Variants in ROR1 observed in about 807,000 individuals in gnomAD.
ROR1 encodes inactive tyrosine-protein kinase transmembrane receptor ROR1.
In ROR1, 19 loss-of-function variants were observed where a neutral mutation model predicts 78.8. That is an observed-to-expected ratio of 0.24 (90% CI 0.17 to 0.35). The LOEUF is 0.35. Ranked by LOEUF, ROR1 falls within the 10% of genes least tolerant of loss-of-function variation. The pLI is 1.00. For synonymous variants in ROR1, 386 were observed against 433.6 expected (o/e 0.89, Z 1.36); for missense variants, 917 against 1,177.8 (o/e 0.78, Z 3.24).
chr1:63,777,615 G>A (rs1308172424), intron 1 of ROR1, among the ~76,000 whole-genome samples: 1 of 152,168 alleles, frequency 6.6e-6, no homozygotes, highest in Non-Finnish European at 1.5e-5. Flanking sequence ...TTGCCCTATA[G>A]CACCCTTTCT....
intron 4 of ROR1, among the ~76,000 whole-genome samples, chr1:64,061,429 T>C (rs1317885979): frequency 6.6e-6 from 1 of 152,342 alleles, no homozygotes; most frequent in South Asian, 2.1e-4. Context: ...AGAAAATGAC[T>C]ATTCCAACCC....
At chr1:64,174,814 G>T (rs1194420520) in intron 8 of ROR1, among the ~76,000 whole-genome samples, 1 of 152,034 alleles carries the variant, frequency 6.6e-6, no homozygotes, top group Non-Finnish European at 1.5e-5. Context: ...TCATCTGAGT[G>T]CTACAAGACA....
intron 1 of ROR1, among the ~76,000 whole-genome samples, chr1:63,974,654 T>C (rs570879478): frequency 6.6e-6 from 1 of 151,978 alleles, no homozygotes; most frequent in Admixed American, 6.6e-5. Flanking sequence ...TTATTGTTTT[T>C]AGAGATAGGA....
rs1362103243 is a variant in ROR1 at position 64,178,312 on chromosome 1, C to G, written c.2271C>G (p.Ser757Arg). ...RSWEGLSSHT[S>R]STTPSGGNAT... ...GGGAGGGACTCTCAAGTCACACAAG[C>G]TCTACTACTCCTTCAGGGGGAAATG... The change falls in exon 9 of 9, where the codon AGC becomes AGG. Residue 757 changes from serine to arginine, a missense_variant. Physicochemically the swap from Ser to Arg is moderately radical, Grantham distance 110 (BLOSUM62 -1). Around this residue, in one of 3 missense-constraint regions of ROR1, gnomAD observed 835 missense variants for 1,069.8 expected, o/e 0.78. Coordinates refer to ENST00000371079, the MANE Select transcript of ROR1 (RefSeq NM_005012.4). The surrounding 1 kb of genome is among the most constrained non-coding windows in gnomAD (Gnocchi z 4.3). 6.2e-7 allele frequency: 1 copy of G among 1,614,170 alleles called. No homozygotes were observed. The highest frequency in any genetic ancestry group is 1.7e-5 in the Admixed American group (1 of 60,024).
At chr1:64,121,122 T>C (rs1648522743) in intron 4 of ROR1, among the ~76,000 whole-genome samples, 1 of 144,920 alleles carries the variant, frequency 6.9e-6, no homozygotes, top group East Asian at 2.1e-4. Flanking sequence ...TTCTTTCTTT[T>C]CTTCTTTCCC....
At chr1:63,876,753 T>A (rs1645288895) in intron 1 of ROR1, among the ~76,000 whole-genome samples, 1 of 151,704 alleles carries the variant, frequency 6.6e-6, no homozygotes, top group Admixed American at 6.6e-5. Context: ...CTTCTTTTTG[T>A]CGTTTCAAGG....
intron 4 of ROR1, among the ~76,000 whole-genome samples, chr1:64,114,097 C>T (rs191474681): frequency 5.3e-4 from 80 of 152,146 alleles, no homozygotes; most frequent in East Asian, 7.8e-4. Flanking sequence ...GGACCATGAC[C>T]GGTGAACTTG....
intron 4 of ROR1, among the ~76,000 whole-genome samples, chr1:64,071,044 T>C (rs1286354285): frequency 6.6e-6 from 1 of 152,110 alleles, no homozygotes; most frequent in Non-Finnish European, 1.5e-5. Flanking sequence ...ACAAAGACCA[T>C]GACATGGAAA....
intron 4 of ROR1, among the ~76,000 whole-genome samples, chr1:64,122,289 T>G (rs1648570134): frequency 6.6e-6 from 1 of 152,196 alleles, no homozygotes. Flanking sequence ...GATGTGAGGA[T>G]GGGGAAGAAG....
chr1:63,953,508 C>T (rs1645957997), intron 1 of ROR1, among the ~76,000 whole-genome samples: 1 of 152,172 alleles, frequency 6.6e-6, no homozygotes, highest in Admixed American at 6.5e-5. Flanking sequence ...TTATACTGTA[C>T]CACATGTAAC....
chr1:63,954,767 T>G (rs1045404721), intron 1 of ROR1, among the ~76,000 whole-genome samples: 2 of 152,186 alleles, frequency 1.3e-5, no homozygotes, highest in Non-Finnish European at 2.9e-5. Context: ...TATGGGAGCG[T>G]GTGCATAGGT....
At chr1:63,885,892 C>A (rs140042657) in intron 1 of ROR1, among the ~76,000 whole-genome samples, 1 of 152,252 alleles carries the variant, frequency 6.6e-6, no homozygotes, top group African/African-American at 2.4e-5. Flanking sequence ...ATGATCCAAG[C>A]ACATTACGTT....
chr1:64,089,267 T>A (rs1001981990), intron 4 of ROR1, among the ~76,000 whole-genome samples: 5 of 152,030 alleles, frequency 3.3e-5, no homozygotes, highest in African/African-American at 1.2e-4. Context: ...TGGAGTGTAG[T>A]GGCATAATCA....
At chr1:64,085,477 A>T (rs916982359) in intron 4 of ROR1, among the ~76,000 whole-genome samples, 1 of 152,206 alleles carries the variant, frequency 6.6e-6, no homozygotes, top group Non-Finnish European at 1.5e-5. Context: ...AGTGTTGCCC[A>T]GCTTTCCATA....
At chr1:63,978,972 A>C (rs1646185814) in intron 1 of ROR1, among the ~76,000 whole-genome samples, 1 of 152,186 alleles carries the variant, frequency 6.6e-6, no homozygotes, top group South Asian at 2.1e-4. Context: ...GTTGTAGTTC[A>C]AGTCTGAAGG....
At chr1:64,073,361 T>C (rs762083042) in intron 4 of ROR1, among the ~76,000 whole-genome samples, 2 of 152,182 alleles carry the variant, frequency 1.3e-5, no homozygotes, top group Non-Finnish European at 1.5e-5. Context: ...TTTTTCTCCA[T>C]GGTAAATGCA....
chr1:64,149,717 G>A (rs1649568189), intron 7 of ROR1, among the ~76,000 whole-genome samples: 1 of 152,114 alleles, frequency 6.6e-6, no homozygotes, highest in African/African-American at 2.4e-5. Flanking sequence ...CTTTTGTTGT[G>A]GTCACCTTCC....
At chr1:63,904,764 CGAGGA>C (rs1227913825) in intron 1 of ROR1, among the ~76,000 whole-genome samples, 1 of 151,994 alleles carries the variant, frequency 6.6e-6, no homozygotes, top group Non-Finnish European at 1.5e-5. Flanking sequence ...AGTGAAGATG[CGAGGA>C]GAGGACAGAA....
chr1:64,079,702 GA>G (rs1647084381), intron 4 of ROR1, among the ~76,000 whole-genome samples: 1 of 152,002 alleles, frequency 6.6e-6, no homozygotes, highest in African/African-American at 2.4e-5. Flanking sequence ...GGCTGGTCTT[GA>G]ACTCCTGACC....
Sources: allele counts gnomAD v4.1 joint callset (sites outside exome capture counted in the v4.1 genomes callset), GRCh38; gene constraint gnomAD v4.1.1; regional missense constraint gnomAD v4.1.1; non-coding constraint Gnocchi (gnomAD v3.1); transcripts MANE v1.5; gene names NCBI Gene and HGNC (gene_info 2026-07-23, HGNC 2026-07-21).